Variants in OGT observed in about 807,000 individuals in gnomAD.
OGT encodes the protein UDP-N-acetylglucosamine--peptide N-acetylglucosaminyltransferase 110 kDa subunit.
A neutral mutation model predicts 75.8 loss-of-function variants in OGT; 3 were observed. That is an observed-to-expected ratio of 0.04 (90% CI 0.02 to 0.10). The LOEUF is 0.10. OGT is among the 10% of genes least tolerant of loss of function. The pLI, the probability that OGT is intolerant of heterozygous loss-of-function variation, is 1.00. For synonymous variants in OGT, 257 were observed against 289.7 expected (o/e 0.89, Z 1.15); for missense variants, 260 against 824.4 (o/e 0.32, Z 8.38).
At chrX:71,567,804 G>A (rs755174090) in intron 20 of OGT, 52 bp downstream of exon 20, 18 of 1,136,203 alleles carry the variant, frequency 1.6e-5, no homozygotes, top group Middle Eastern at 2.5e-4. Context: ...GAAAATCTCC[G>A]TTTGGGGGAG....
At chrX:71,541,857 G>A in intron 3 of OGT, among the ~76,000 whole-genome samples, 1 of 111,511 alleles carries the variant, frequency 9.0e-6, no homozygotes, top group Non-Finnish European at 1.9e-5. Context: ...GGAAACTGAT[G>A]CAATCTTAGG....
chrX:71,573,440 C>T (rs2040471302), intron 21 of OGT, among the ~76,000 whole-genome samples, 180 bp from the exon 22 acceptor site: 1 of 112,030 alleles, frequency 8.9e-6, no homozygotes, highest in Non-Finnish European at 1.9e-5. Flanking sequence ...GAGCTCATTT[C>T]AGTGTTAGCA....
At chrX:71,568,218 T>G in intron 21 of OGT, 102 bp downstream of exon 21, 1 of 664,008 alleles carries the variant, frequency 1.5e-6, no homozygotes, top group Non-Finnish European at 2.2e-6. Flanking sequence ...ATAGGTGAAC[T>G]AGTTGTATGC....
At chrX:71,542,298 C>T (rs750197908) in intron 3 of OGT, among the ~76,000 whole-genome samples, 2 of 111,741 alleles carry the variant, frequency 1.8e-5, no homozygotes, top group East Asian at 2.8e-4. Context: ...GGTGCCCGTG[C>T]GTTTTCTAGA....
intron 4 of OGT, chrX:71,546,424 GAC>G: frequency 2.7e-6 from 2 of 754,379 alleles, no homozygotes; most frequent in Non-Finnish European, 3.1e-6. Context: ...ATCTAGGGCA[GAC>G]ACACAACCTC....
intron 5 of OGT, among the ~76,000 whole-genome samples, chrX:71,549,049 G>C (rs917310931): frequency 4.5e-5 from 5 of 110,061 alleles, no homozygotes; most frequent in Non-Finnish European, 7.6e-5. Context: ...TCACATCTGT[G>C]ATCCCAGTGC....
rs148161849 is a variant in OGT at position 71,536,121 on chromosome X, A to G, written c.38-57A>G. Reference sequence around the variant, plus strand: ...ATATTTTTACATTTTTTTGGTTTACATTTCTAACTTTTTGTTTTCCCCCCT... The same window carrying G: ...ATATTTTTACATTTTTTTGGTTTACGTTTCTAACTTTTTGTTTTCCCCCCT... On this transcript the variant is annotated intron_variant, in intron 1 of 21. Transcript: ENST00000373719. The G allele has an allele frequency of 7.8e-3, 8,399 of 1,072,197 alleles. 446 individuals are homozygous for G. In the African/African-American group the frequency reaches 0.14, roughly 18 times the overall value. 88.4% of individuals were successfully genotyped at this position (1,072,197 alleles called of 1,213,427 possible). A position where few individuals can be genotyped will look rare whatever the true frequency, so the allele number is the denominator to read the frequency against.
intron 2 of OGT, 121 bp downstream of exon 2, chrX:71,536,479 G>A: frequency 5.7e-6 from 3 of 522,257 alleles, no homozygotes; most frequent in Non-Finnish European, 8.7e-6. Context: ...AGCCGCCAAC[G>A]CACATCTGCT....
intron 3 of OGT, among the ~76,000 whole-genome samples, chrX:71,540,804 C>T (rs765647909): frequency 9.1e-6 from 1 of 109,817 alleles, no homozygotes; most frequent in Non-Finnish European, 1.9e-5. Flanking sequence ...TCCGAAGTAG[C>T]TGGGATCACA....
At chrX:71,541,670 G>A (rs1259936274) in intron 3 of OGT, among the ~76,000 whole-genome samples, 2 of 111,544 alleles carry the variant, frequency 1.8e-5, no homozygotes, top group Non-Finnish European at 3.8e-5. Flanking sequence ...AGTGAATGTA[G>A]TAGAGGAGAG....
intron 20 of OGT, 30 bp downstream of exon 20, chrX:71,567,782 C>T: frequency 8.6e-7 from 1 of 1,165,518 alleles, no homozygotes; most frequent in African/African-American, 1.8e-5. Context: ...CTGGAATCTT[C>T]CTTGTTCCTT....
Position 71,563,270 on chromosome X carries a change from A to T in OGT, c.2265+24A>T, listed in dbSNP as rs971020815. 3.3e-6 allele frequency: 4 copies of T among 1,198,974 alleles called. No homozygotes were observed. The Admixed American group carries it at 6.6e-5, about 20-fold the overall frequency. ...AGGTCAGAACCTAGTCAGTATTGTC[A>T]TTGAAATAAAGTTAACTGCATTCAC... On this transcript the variant is annotated intron_variant, in intron 17 of 21. Coordinates refer to ENST00000373719, the MANE Select transcript of OGT (RefSeq NM_181672.3).
chrX:71,544,399 G>A (rs767859326), intron 3 of OGT, among the ~76,000 whole-genome samples, 168 bp from the exon 4 acceptor site: 15 of 112,064 alleles, frequency 1.3e-4, no homozygotes, highest in Non-Finnish European at 1.9e-4. Flanking sequence ...AACTTTTTGG[G>A]ATTTGGAATT....
intron 21 of OGT, among the ~76,000 whole-genome samples, chrX:71,572,210 A>G (rs1291105667): frequency 8.9e-6 from 1 of 112,068 alleles, no homozygotes; most frequent in Non-Finnish European, 1.9e-5. Context: ...TTTCCCTTCC[A>G]TAAATTAGTT....
intron 14 of OGT, 53 bp from the exon 15 acceptor site, chrX:71,561,722 A>C: frequency 9.6e-7 from 1 of 1,042,314 alleles, no homozygotes; most frequent in Non-Finnish European, 1.3e-6. Flanking sequence ...AATGTCATTA[A>C]AACTAATTGA....
chrX:71,554,381 A>C (rs1475072881), intron 5 of OGT, 132 bp from the exon 6 acceptor site: 1 of 437,305 alleles, frequency 2.3e-6, no homozygotes, highest in Non-Finnish European at 4.1e-6. Context: ...ACACTAAATA[A>C]ATAATTGGTT....
intron 10 of OGT, 44 bp downstream of exon 10, chrX:71,557,149 T>G (rs1462429126): frequency 8.3e-7 from 1 of 1,203,458 alleles, no homozygotes; most frequent in Admixed American, 2.2e-5. Flanking sequence ...CACCTAAAAT[T>G]TAACTTTTGG....
chrX:71,556,837 C>T (rs2040346654), intron 9 of OGT, 57 bp downstream of exon 9: 1 of 1,019,390 alleles, frequency 9.8e-7, no homozygotes, highest in African/African-American at 1.9e-5. Context: ...AAATGTTTGA[C>T]ATTCGGCACA....
At chrX:71,539,006 A>C (rs970249322) in intron 3 of OGT, among the ~76,000 whole-genome samples, 15 of 112,331 alleles carry the variant, frequency 1.3e-4, no homozygotes, top group African/African-American at 4.2e-4. Context: ...TTAAAAAAAA[A>C]CCATGGACTC....
Sources: gnomAD v4.1 joint callset for allele counts (sites outside exome capture counted in the v4.1 genomes callset) on GRCh38, gnomAD v4.1.1 for gene constraint, MANE v1.5 for transcripts, NCBI Gene and HGNC (gene_info 2026-07-23, HGNC 2026-07-21) for gene names.